Variants in EGFLAM observed in about 807,000 individuals in gnomAD.
EGFLAM encodes pikachurin.
Under a neutral mutation model 113.1 loss-of-function variants are expected in EGFLAM, and 79 were observed. That is an observed-to-expected ratio of 0.70 (90% CI 0.58 to 0.84). The LOEUF (loss-of-function observed/expected upper bound fraction) is 0.84. Among genes scored for constraint, EGFLAM ranks in the 40% least tolerant of loss-of-function variants. The pLI, the probability that EGFLAM is intolerant of heterozygous loss-of-function variation, is 0.00. For synonymous variants in EGFLAM, 504 were observed against 487.6 expected (o/e 1.03, Z -0.44); for missense variants, 1,265 against 1,291.6 (o/e 0.98, Z 0.32).
intron 19 of EGFLAM, among the ~76,000 whole-genome samples, 186 bp from the exon 20 acceptor site, chr5:38,458,125 A>G (rs1467767352): frequency 6.6e-6 from 1 of 152,238 alleles, no homozygotes; most frequent in Non-Finnish European, 1.5e-5. Context: ...TTAAAAGTTT[A>G]ATAATTTTTA....
intron 19 of EGFLAM, among the ~76,000 whole-genome samples, chr5:38,453,005 G>A (rs1032720840): frequency 1.3e-5 from 2 of 152,186 alleles, no homozygotes; most frequent in East Asian, 1.9e-4. Flanking sequence ...ATCCTCACAT[G>A]AGGTTAGACA....
chr5:38,441,056 G>A (rs962007842), intron 17 of EGFLAM, among the ~76,000 whole-genome samples: 16 of 152,170 alleles, frequency 1.1e-4, no homozygotes, highest in Non-Finnish European at 2.1e-4. Context: ...CAGGGCCCCC[G>A]CTTTTCCCTG....
At chr5:38,289,372 T>C (rs1220265170) in intron 1 of EGFLAM, among the ~76,000 whole-genome samples, 2 of 152,060 alleles carry the variant, frequency 1.3e-5, no homozygotes, top group Non-Finnish European at 2.9e-5. Flanking sequence ...TTCTGATTCA[T>C]ACCCATCTGT....
intron 5 of EGFLAM, among the ~76,000 whole-genome samples, chr5:38,358,802 T>G (rs964192776): frequency 6.6e-6 from 1 of 152,180 alleles, no homozygotes; most frequent in Non-Finnish European, 1.5e-5. Context: ...AGCCATAGAT[T>G]TTTATTTTTT....
intron 1 of EGFLAM, among the ~76,000 whole-genome samples, chr5:38,261,827 T>A (rs553377063): frequency 1.3e-5 from 2 of 152,128 alleles, no homozygotes; most frequent in Non-Finnish European, 2.9e-5. Flanking sequence ...TGTGGCCTTA[T>A]GGGGTGATGA....
At chr5:38,339,473 T>G (rs1481355177) in intron 3 of EGFLAM, among the ~76,000 whole-genome samples, 1 of 152,228 alleles carries the variant, frequency 6.6e-6, no homozygotes, top group East Asian at 1.9e-4. Flanking sequence ...GTGGTGGTGC[T>G]AACTCCTGTT....
At chr5:38,276,434 A>T (rs1343137669) in intron 1 of EGFLAM, among the ~76,000 whole-genome samples, 2 of 152,234 alleles carry the variant, frequency 1.3e-5, no homozygotes, top group Non-Finnish European at 1.5e-5. Flanking sequence ...AGCAGTTCTA[A>T]TAGGGAATAT....
chr5:38,338,313 G>A (rs1739238884), intron 2 of EGFLAM, among the ~76,000 whole-genome samples: 2 of 152,068 alleles, frequency 1.3e-5, no homozygotes, highest in Admixed American at 1.3e-4. Flanking sequence ...TTTCACCAAG[G>A]GACAGTAGCC....
chr5:38,434,533 A>G (rs1380013738), intron 15 of EGFLAM, among the ~76,000 whole-genome samples: 1 of 152,250 alleles, frequency 6.6e-6, no homozygotes, highest in Non-Finnish European at 1.5e-5. Context: ...ATCGTAAATC[A>G]AAGAAAATAA....
intron 1 of EGFLAM, among the ~76,000 whole-genome samples, chr5:38,266,846 A>G (rs1757644974): frequency 6.6e-6 from 1 of 152,168 alleles, no homozygotes. Flanking sequence ...AAAGCCAGAG[A>G]GCTCAGAAAT....
chr5:38,277,917 A>G (rs933571650), intron 1 of EGFLAM, among the ~76,000 whole-genome samples: 2 of 152,224 alleles, frequency 1.3e-5, no homozygotes, highest in Non-Finnish European at 2.9e-5. Flanking sequence ...AAGATATCCA[A>G]TATGCACAGA....
chr5:38,393,490 G>A (rs1042699659), intron 6 of EGFLAM, among the ~76,000 whole-genome samples: 2 of 152,136 alleles, frequency 1.3e-5, no homozygotes, highest in African/African-American at 2.4e-5. Flanking sequence ...GCAGGCACCA[G>A]AAGTTCTTTA....
intron 5 of EGFLAM, among the ~76,000 whole-genome samples, chr5:38,357,623 A>C (rs1739796903): frequency 6.6e-6 from 1 of 152,148 alleles, no homozygotes; most frequent in Admixed American, 6.5e-5. Flanking sequence ...TATACATCTA[A>C]GGGGCAGGAC....
chr5:38,271,131 G>A (rs953115532), intron 1 of EGFLAM, among the ~76,000 whole-genome samples: 9 of 146,696 alleles, frequency 6.1e-5, no homozygotes, highest in East Asian at 3.9e-4. Context: ...CCCAACCTTT[G>A]TTTTGGACTT....
intron 1 of EGFLAM, among the ~76,000 whole-genome samples, chr5:38,310,816 T>C (rs753925529): frequency 1.3e-5 from 2 of 152,194 alleles, no homozygotes; most frequent in Admixed American, 6.5e-5. Flanking sequence ...TAAGCCAGTT[T>C]GGCCAATAAA....
At chr5:38,412,959 C>T (rs1475793848) in intron 11 of EGFLAM, among the ~76,000 whole-genome samples, 1 of 152,134 alleles carries the variant, frequency 6.6e-6, no homozygotes, top group African/African-American at 2.4e-5. Flanking sequence ...GACATGTTCT[C>T]TTTCCCTAAG....
intron 19 of EGFLAM, among the ~76,000 whole-genome samples, chr5:38,457,763 CT>C (rs1743137476): frequency 6.6e-6 from 1 of 152,102 alleles, no homozygotes; most frequent in African/African-American, 2.4e-5. Context: ...ATTCCTGATA[CT>C]TTAGTACTGA....
chr5:38,262,626 T>A (rs1225967761), intron 1 of EGFLAM, among the ~76,000 whole-genome samples: 1 of 152,224 alleles, frequency 6.6e-6, no homozygotes, highest in Non-Finnish European at 1.5e-5. Flanking sequence ...GCTTTTAAGA[T>A]CCATCCATGT....
In EGFLAM at chr5:38,258,585, C is replaced by T. The variant is rs780523747; in HGVS notation, c.-170C>T. On this transcript the variant is annotated 5_prime_UTR_variant, in exon 1 of 22. Transcript: ENST00000322350. ...CTCGCGCACGCCGACCTCCCGGCTGCAGTCCTACCTCTTGGAACTACCCGT... is the reference window on the plus strand; with the variant it reads ...CTCGCGCACGCCGACCTCCCGGCTGTAGTCCTACCTCTTGGAACTACCCGT... 1.0e-5 allele frequency: 7 copies of T among 686,454 alleles called. No individual in the cohort carries two copies. The highest frequency in any genetic ancestry group is 1.7e-5 in the Non-Finnish European group (7 of 404,174). The allele number at this position is 686,454 out of a possible 1,614,324, so 42.5% of individuals were successfully genotyped here.
Sources: gnomAD v4.1 joint callset for allele counts (sites outside exome capture counted in the v4.1 genomes callset) on GRCh38, gnomAD v4.1.1 for gene constraint, MANE v1.5 for transcripts, NCBI Gene and HGNC (gene_info 2026-07-23, HGNC 2026-07-21) for gene names.